MCCC1: variants seen among roughly 807,000 people sequenced by gnomAD.
MCCC1 encodes the protein methylcrotonyl-CoA carboxylase subunit 1.
Under a neutral mutation model 83.8 loss-of-function variants are expected in MCCC1, and 64 were observed. The ratio of observed to expected loss-of-function variants is 0.76; its 90% confidence interval spans 0.62 to 0.94. The LOEUF is 0.94. MCCC1 is among the 40% of genes least tolerant of loss of function. MCCC1 has a pLI of 0.00. For synonymous variants in MCCC1, 322 were observed against 315.4 expected, an observed-to-expected ratio of 1.02 and a Z score of -0.22; for missense variants, 807 against 904.7, an observed-to-expected ratio of 0.89 and a Z score of 1.39.
intron 2 of MCCC1, 67 bp downstream of exon 2, chr3:183,094,492 C>T: frequency 1.0e-5 from 15 of 1,455,520 alleles, no homozygotes; most frequent in Non-Finnish European, 1.4e-5. Context: ...AGGGATTAAA[C>T]ATTTCCCTTT....
chr3:183,097,234 G>A (rs954232894), intron 1 of MCCC1, among the ~76,000 whole-genome samples: 1 of 151,554 alleles, frequency 6.6e-6, no homozygotes, highest in Non-Finnish European at 1.5e-5. Flanking sequence ...GCGACAGAGC[G>A]AGACTCCGTC....
intron 7 of MCCC1, among the ~76,000 whole-genome samples, chr3:183,060,668 G>A (rs1255085020): frequency 2.0e-5 from 3 of 152,094 alleles, no homozygotes; most frequent in African/African-American, 7.2e-5. Flanking sequence ...TTGGTGTGCT[G>A]CACCCATTAA....
chr3:183,115,031 T>TC, intron 1 of MCCC1, among the ~76,000 whole-genome samples: 1 of 152,078 alleles, frequency 6.6e-6, no homozygotes, highest in East Asian at 1.9e-4. Flanking sequence ...GACCCATCAT[T>TC]CCCACACTCC....
intron 17 of MCCC1, among the ~76,000 whole-genome samples, chr3:183,018,050 C>T (rs922656735): frequency 1.3e-5 from 2 of 150,672 alleles, no homozygotes; most frequent in African/African-American, 2.4e-5. Context: ...AGCCCAAATG[C>T]ACTGGTCAAA....
At chr3:183,107,700 G>A (rs185713929) in intron 1 of MCCC1, among the ~76,000 whole-genome samples, 22 of 147,442 alleles carry the variant, frequency 1.5e-4, no homozygotes, top group African/African-American at 5.2e-4. Context: ...ATGCCACCAC[G>A]CCTGGCTAGT....
Position 183,052,171 on chromosome 3 carries a change from A to G in MCCC1, c.943T>C (p.Tyr315His). 1 of 1,614,094 alleles carries G rather than the reference A, an allele frequency of 6.2e-7. No homozygotes were observed. Among genetic ancestry groups the G allele is most frequent in the Non-Finnish European group, 8.5e-7 (1 of 1,179,972 alleles). ...AAVRAAKAVN[Y>H]VGAGTVEFIM... The stretch of plus-strand genomic sequence containing the variant: ...AATCTTAACCTACCTGCTCCAACAT[A>G]ATTTACAGCTTTAGCAGCTCTGACT... Residue 315 changes from tyrosine (Y) to histidine (H), a missense_variant, in exon 9 of 19, where the codon TAT becomes CAT. Transcript: ENST00000265594.
In MCCC1 at chr3:183,071,138, A is replaced by C. The variant is rs1716644503; in HGVS notation, c.640-18T>G. On this transcript the variant is annotated intron_variant, in intron 6 of 18. Transcript: ENST00000265594. ...CTCATTCCCTAAGAGAGAAAAGATG[A>C]TTATGACTACAACATAAATAAAACA... 6.2e-7 allele frequency: 1 copy of C among 1,614,090 alleles called. No homozygotes were observed. The highest frequency in any genetic ancestry group is 1.3e-5 in the African/African-American group (1 of 74,934).
intron 1 of MCCC1, among the ~76,000 whole-genome samples, chr3:183,112,940 A>G (rs1431148930): frequency 1.3e-5 from 2 of 151,542 alleles, no homozygotes; most frequent in Non-Finnish European, 2.9e-5. Context: ...ATAAAAAAAA[A>G]ATTGGCCGGG....
intron 10 of MCCC1, 75 bp downstream of exon 10, chr3:183,045,338 C>A: frequency 6.3e-7 from 1 of 1,583,376 alleles, no homozygotes; most frequent in Non-Finnish European, 8.6e-7. Flanking sequence ...CCTTGGCCTG[C>A]CAAAGTGCTG....
At chr3:183,111,237 G>A (rs1468651546) in intron 1 of MCCC1, among the ~76,000 whole-genome samples, 2 of 152,036 alleles carry the variant, frequency 1.3e-5, no homozygotes, top group Non-Finnish European at 2.9e-5. Flanking sequence ...AATGCAATAC[G>A]CAGCACCCTG....
At chr3:183,075,219 G>A (rs1716980088) in intron 4 of MCCC1, among the ~76,000 whole-genome samples, 4 of 152,162 alleles carry the variant, frequency 2.6e-5, no homozygotes. Flanking sequence ...ATATTCCTCT[G>A]GGTATCAACC....
intron 4 of MCCC1, among the ~76,000 whole-genome samples, chr3:183,085,066 T>C (rs1173849564): frequency 1.3e-5 from 2 of 152,154 alleles, no homozygotes; most frequent in African/African-American, 2.4e-5. Flanking sequence ...ACTAATTAAG[T>C]ATAAATATGA....
upstream of MCCC1, among the ~76,000 whole-genome samples, chr3:183,101,387 G>A (rs538301784): frequency 9.2e-5 from 14 of 152,332 alleles, no homozygotes; most frequent in Non-Finnish European, 1.6e-4. Context: ...GACGTGGAGA[G>A]TCTTTATATC....
At chr3:183,046,826 G>T (rs549264789) in intron 9 of MCCC1, among the ~76,000 whole-genome samples, 123 of 152,162 alleles carry the variant, frequency 8.1e-4, no homozygotes, top group Non-Finnish European at 1.3e-3. Flanking sequence ...GAGAAATCAG[G>T]TCACAGGGCA....
chr3:183,095,715 G>C (rs1718689449), intron 1 of MCCC1, among the ~76,000 whole-genome samples: 1 of 152,142 alleles, frequency 6.6e-6, no homozygotes, highest in Non-Finnish European at 1.5e-5. Context: ...CCACCCTTTA[G>C]CGGTGGTATC....
chr3:183,020,363 G>T, intron 16 of MCCC1, 126 bp from the exon 17 acceptor site: 1 of 822,818 alleles, frequency 1.2e-6, no homozygotes, highest in Non-Finnish European at 2.0e-6. Flanking sequence ...CAGGCCCAGT[G>T]GCTCACGATT....
At chr3:183,081,830 A>G (rs1300823796) in intron 4 of MCCC1, among the ~76,000 whole-genome samples, 2 of 152,182 alleles carry the variant, frequency 1.3e-5, no homozygotes, top group African/African-American at 4.8e-5. Context: ...GCACCCAGAG[A>G]GAGTGCCAAA....
At chr3:183,030,062 C>G (rs1461052461) in intron 14 of MCCC1, among the ~76,000 whole-genome samples, 1 of 152,172 alleles carries the variant, frequency 6.6e-6, no homozygotes, top group African/African-American at 2.4e-5. Context: ...AATCCCAGTA[C>G]TTTGGGAGGC....
intron 4 of MCCC1, among the ~76,000 whole-genome samples, chr3:183,082,238 G>A (rs1717566105): frequency 6.6e-6 from 1 of 152,186 alleles, no homozygotes; most frequent in Non-Finnish European, 1.5e-5. Context: ...GTCAACCACA[G>A]AGTAGCTGTA....
Sources: allele counts gnomAD v4.1 joint callset (sites outside exome capture counted in the v4.1 genomes callset), GRCh38; gene constraint gnomAD v4.1.1; transcripts MANE v1.5; gene names NCBI Gene and HGNC (gene_info 2026-07-23, HGNC 2026-07-21).